Variants in SLC26A4 observed in about 807,000 individuals in gnomAD.
The protein encoded by SLC26A4 is pendrin.
A neutral mutation model predicts 90.4 loss-of-function variants in SLC26A4; 93 were observed. The ratio of observed to expected loss-of-function variants is 1.03; its 90% confidence interval spans 0.87 to 1.22. The LOEUF (loss-of-function observed/expected upper bound fraction) is 1.22. Ranked by LOEUF, SLC26A4 falls within the 50% of genes most tolerant of loss-of-function variation. The pLI is 0.00. For missense variants in SLC26A4, 1,127 were observed against 946.2 expected (o/e 1.19, Z -2.51); for synonymous variants, 393 against 354.6 (o/e 1.11, Z -1.22).
intron 2 of SLC26A4, chr7:107,662,283 T>A (rs949287138): frequency 6.3e-6 from 1 of 158,134 alleles, no homozygotes; most frequent in African/African-American, 2.4e-5. Context: ...GTGTGCCAAG[T>A]ACTTCATCAG....
chr7:107,703,870 A>G (rs1232784859), intron 17 of SLC26A4, among the ~76,000 whole-genome samples: 3 of 152,176 alleles, frequency 2.0e-5, no homozygotes, highest in Non-Finnish European at 4.4e-5. Context: ...GATCCTATAT[A>G]CCCCTTACCC....
At chr7:107,681,436 A>G (rs1791227530) in intron 6 of SLC26A4, among the ~76,000 whole-genome samples, 1 of 152,204 alleles carries the variant, frequency 6.6e-6, no homozygotes, top group South Asian at 2.1e-4. Context: ...TTGTCACCAG[A>G]TTATCATTAT....
At position 107,692,058 on chromosome 7, in the gene SLC26A4, G is replaced by A. The variant is rs75842236; in HGVS notation, c.1263+1821G>A. On this transcript the variant is annotated intron_variant, in intron 10 of 20. Coordinates refer to ENST00000644269, the MANE Select transcript of SLC26A4 (RefSeq NM_000441.2). ...TGATGTTACCTCCAGGCTCAAATGAGGCATGGGCTGGCTGTCCCAGTAAGT... is the reference window on the plus strand; with the variant it reads ...TGATGTTACCTCCAGGCTCAAATGAAGCATGGGCTGGCTGTCCCAGTAAGT... 9.1e-4 allele frequency: 1,178 copies of A among 1,289,286 alleles called. 10 individuals carry two copies. In the African/African-American group the frequency reaches 0.016, roughly 18 times the overall value. 79.9% of individuals were successfully genotyped at this position (1,289,286 alleles called of 1,614,324 possible).
intron 6 of SLC26A4, among the ~76,000 whole-genome samples, chr7:107,675,799 C>G (rs1435196289): frequency 6.6e-6 from 1 of 151,968 alleles, no homozygotes; most frequent in Non-Finnish European, 1.5e-5. Flanking sequence ...GTCTTGAACT[C>G]CTGACCTTGT....
Position 107,661,530 on chromosome 7 carries a change from G to C in SLC26A4, c.-3-109G>C, listed in dbSNP as rs1005652254. The C allele has an allele frequency of 4.1e-6, 5 of 1,226,062 alleles. No homozygotes were observed. The highest frequency in any genetic ancestry group is 3.9e-5 in the South Asian group (3 of 76,124). 75.9% of individuals were successfully genotyped at this position (1,226,062 alleles called of 1,614,324 possible). ...CGGACCAGACTCGCGGTGCAGGGGGGCCTGGCTGCAGCTAACAGGTGATCC... is the reference window on the plus strand; with the variant it reads ...CGGACCAGACTCGCGGTGCAGGGGGCCCTGGCTGCAGCTAACAGGTGATCC... On this transcript the variant is annotated intron_variant, in intron 1 of 20. Transcript: ENST00000644269. The surrounding 1 kb of genome is among the most constrained non-coding windows in gnomAD (Gnocchi z 5.1).
Position 107,715,161 on chromosome 7 carries a change from G to A in SLC26A4, c.2320-262G>A, listed in dbSNP as rs544196101. Reference sequence around the variant, plus strand: ...GAGGCAGGAGAATTGCTTGAACCTGGGAGGCAGAGGTTGCAGTGAGCTGAG... The same window carrying A: ...GAGGCAGGAGAATTGCTTGAACCTGAGAGGCAGAGGTTGCAGTGAGCTGAG... On this transcript the variant is annotated intron_variant, in intron 20 of 20. Transcript: ENST00000644269. Among the ~76,000 whole-genome samples the A allele has an allele frequency of 6.6e-5, 10 of 151,370 alleles. No individual in the cohort carries two copies. In the East Asian group the frequency reaches 1.7e-3, roughly 26 times the overall value.
At chr7:107,679,626 T>A (rs1196198313) in intron 6 of SLC26A4, among the ~76,000 whole-genome samples, 1 of 151,488 alleles carries the variant, frequency 6.6e-6, no homozygotes, top group Non-Finnish European at 1.5e-5. Context: ...AATAAAATAT[T>A]ATCTATTACC....
intron 3 of SLC26A4, among the ~76,000 whole-genome samples, chr7:107,671,720 A>G (rs1416039740): frequency 2.0e-5 from 3 of 152,218 alleles, no homozygotes; most frequent in Non-Finnish European, 4.4e-5. Context: ...TTTCTGCAGT[A>G]GAAAGACAGA....
Position 107,699,217 on chromosome 7 carries a change from G to A in SLC26A4, c.1615-866G>A, listed in dbSNP as rs534837245. On this transcript the variant is annotated intron_variant, in intron 14 of 20. Coordinates refer to ENST00000644269, the MANE Select transcript of SLC26A4 (RefSeq NM_000441.2). ...ATTCTGACTTCTAGGCTCCATCTTG[G>A]TGAGACTTTGCCCAAGTCATTCAGC... Among the ~76,000 whole-genome samples the A allele has an allele frequency of 4.8e-4, 73 of 152,260 alleles. No individual in the cohort carries two copies. The highest frequency in any genetic ancestry group is 7.8e-4 in the Non-Finnish European group (53 of 68,032).
chr7:107,696,154 T>C, intron 13 of SLC26A4, 115 bp downstream of exon 13: 1 of 767,162 alleles, frequency 1.3e-6, no homozygotes, highest in Non-Finnish European at 2.4e-6. Context: ...TACTGTATAT[T>C]GAGTGCTTCT....
At chr7:107,663,583 T>C (rs1233606936) in intron 3 of SLC26A4, 148 bp downstream of exon 3, 2 of 871,096 alleles carry the variant, frequency 2.3e-6, no homozygotes, top group Non-Finnish European at 3.8e-6. Context: ...GTCACCTCTC[T>C]TCTCCCCTTC....
rs752485540 is a variant in SLC26A4, at chr7:107,675,048, A to G, written c.704A>G (p.Gln235Arg). 8 of 1,614,038 alleles carry G rather than the reference A, an allele frequency of 5.0e-6. No individual in the cohort carries two copies. Among genetic ancestry groups the G allele is most frequent in the African/African-American group, 1.3e-5 (1 of 74,936 alleles). ...TAAAFQVLVSQLKIVLNVSTK... is the reference protein window; with the variant it reads ...TAAAFQVLVSRLKIVLNVSTK... The stretch of plus-strand genomic sequence containing the variant: ...GCTGCCTTCCAAGTGCTGGTCTCAC[A>G]GCTAAAGATTGTCCTCAATGTTTCA... The change falls in exon 6 of 21, where the codon CAG (glutamine) becomes CGG (arginine). Residue 235 changes from glutamine (Q) to arginine (R), a missense_variant. Coordinates refer to ENST00000644269, the MANE Select transcript of SLC26A4 (RefSeq NM_000441.2).
At chr7:107,692,286 C>CTAA (rs1380669455) in intron 10 of SLC26A4, among the ~76,000 whole-genome samples, 5 of 152,180 alleles carry the variant, frequency 3.3e-5, no homozygotes, top group African/African-American at 1.2e-4. Context: ...GGTTAAAAGT[C>CTAA]TAAGTGCCTG....
chr7:107,680,073 ATATAT>A (rs1791163882), intron 6 of SLC26A4, among the ~76,000 whole-genome samples: 1 of 127,428 alleles, frequency 7.8e-6, no homozygotes, highest in African/African-American at 3.2e-5. Flanking sequence ...TTATTATATA[ATATAT>A]TCTTATCTTA....
rs111033375 is a variant in SLC26A4, at chr7:107,700,166, C to G, written c.1698C>G (p.Ile566Met). Residue 566 changes from isoleucine (I) to methionine (M), a missense_variant, in exon 15 of 21, where the codon ATC becomes ATG. Ile to Met is a conservative substitution (Grantham distance 10). Transcript: ENST00000644269. Reference sequence around the variant, plus strand: ...ATGTCGATGGTTTTAAAAAATGTATCAAGTCCACAGTAAGTATTTTATCCC... The same window carrying G: ...ATGTCGATGGTTTTAAAAAATGTATGAAGTCCACAGTAAGTATTTTATCCC... ...YGNVDGFKKC[I>M]KSTVGFDAIR... 2.0e-6 allele frequency: 3 copies of G among 1,523,580 alleles called. No individual in the cohort carries two copies. The highest frequency in any genetic ancestry group is 1.4e-5 in the African/African-American group (1 of 73,276). The allele number at this position is 1,523,580 out of a possible 1,614,324, so 94.4% of individuals were successfully genotyped here.
chr7:107,667,262 G>T (rs1046003636), intron 3 of SLC26A4, among the ~76,000 whole-genome samples: 2 of 151,946 alleles, frequency 1.3e-5, no homozygotes, highest in Non-Finnish European at 2.9e-5. Context: ...CATTGCTGAA[G>T]AGGTGATATT....
At chr7:107,686,392 TCC>T (rs1791410702) in intron 8 of SLC26A4, among the ~76,000 whole-genome samples, 1 of 147,594 alleles carries the variant, frequency 6.8e-6, no homozygotes, top group Non-Finnish European at 1.5e-5. Context: ...CTTCCTTCCT[TCC>T]TCTCTCTCTT....
chr7:107,671,834 G>A (rs907846299), intron 3 of SLC26A4, among the ~76,000 whole-genome samples: 11 of 152,142 alleles, frequency 7.2e-5, no homozygotes, highest in African/African-American at 2.7e-4. Context: ...GAACATCATC[G>A]CTTAGGCTAT....
rs550084717 is a variant in SLC26A4, at chr7:107,686,146, C to T, written c.1001+2609C>T. 5.3e-5 allele frequency among the ~76,000 whole-genome samples: 8 copies of T among 151,304 alleles called. No individual in the cohort carries two copies. The South Asian group carries it at 1.7e-3, about 32-fold the overall frequency. ...GTGTATAAACCCATAACAAGATTGA[C>T]GGCTCTGTCCTCTAAATTTTAATCC... On this transcript the variant is annotated intron_variant, in intron 8 of 20. Coordinates refer to ENST00000644269, the MANE Select transcript of SLC26A4 (RefSeq NM_000441.2).
Sources: gnomAD v4.1 joint callset for allele counts (sites outside exome capture counted in the v4.1 genomes callset) on GRCh38, gnomAD v4.1.1 for gene constraint, Gnocchi (gnomAD v3.1) non-coding constraint, MANE v1.5 for transcripts, NCBI Gene and HGNC (gene_info 2026-07-23, HGNC 2026-07-21) for gene names.